SRD5A2: variants seen among roughly 807,000 people sequenced by gnomAD.
SRD5A2 encodes the protein steroid 5 alpha-reductase 2, also known as 3-oxo-5-alpha-steroid 4-dehydrogenase 2.
SRD5A2 carries 30 observed loss-of-function variants against 27.4 expected under a neutral mutation model. The observed-to-expected ratio is 1.10, with a 90% CI of 0.82 to 1.49. The LOEUF (loss-of-function observed/expected upper bound fraction) is 1.49, where lower values mean the gene tolerates loss of function less well. SRD5A2 is among the 40% of genes most tolerant of loss of function. The pLI is 0.00. For missense variants in SRD5A2, 348 were observed against 323.4 expected (o/e 1.08, Z -0.58); for synonymous variants, 141 against 133.6 (o/e 1.06, Z -0.38).
At chr2:31,661,475 T>A in the SRD5A2 span, among the ~76,000 whole-genome samples, 1 of 152,158 alleles carries the variant, frequency 6.6e-6, no homozygotes, top group Non-Finnish European at 1.5e-5. Flanking sequence ...AAGGAGACAC[T>A]CTATCTTCCA....
rs1485657500 is a variant in SRD5A2 at position 31,525,381 on chromosome 2, T to C, written c.*815A>G. Reference sequence around the variant, plus strand: ...AAAACATGAGAGTTTGCAATGTCTATTGTAAAACTGTTCTCTATCCTCTTA... The same window carrying C: ...AAAACATGAGAGTTTGCAATGTCTACTGTAAAACTGTTCTCTATCCTCTTA... On this transcript the variant is annotated 3_prime_UTR_variant, in exon 5 of 5. Coordinates refer to ENST00000622030, the MANE Select transcript of SRD5A2 (RefSeq NM_000348.4). 4.4e-6 allele frequency: 1 copy of C among 227,024 alleles called. No individual in the cohort carries two copies. The highest frequency in any genetic ancestry group is 6.3e-5 in the East Asian group (1 of 15,866). The allele number at this position is 227,024 out of a possible 1,614,324, so 14.1% of individuals were successfully genotyped here. A position where few individuals can be genotyped will look rare whatever the true frequency, so the allele number is the denominator to read the frequency against.
the SRD5A2 span, among the ~76,000 whole-genome samples, chr2:31,640,873 T>C: frequency 6.6e-6 from 1 of 151,308 alleles, no homozygotes; most frequent in Non-Finnish European, 1.5e-5. Flanking sequence ...AAAAAAAAAG[T>C]CTCCTGCCAG....
chr2:31,661,273 A>G, the SRD5A2 span, among the ~76,000 whole-genome samples: 1 of 152,170 alleles, frequency 6.6e-6, no homozygotes, highest in Non-Finnish European at 1.5e-5. Flanking sequence ...AGTCTGAGTT[A>G]ACACACCCAA....
chr2:31,624,107 G>A, the SRD5A2 span, among the ~76,000 whole-genome samples: 1 of 151,788 alleles, frequency 6.6e-6, no homozygotes, highest in East Asian at 1.9e-4. Context: ...TAATTTTTGT[G>A]GGTAAATAAT....
chr2:31,536,090 G>A (rs1452956490), intron 1 of SRD5A2, among the ~76,000 whole-genome samples: 1 of 152,190 alleles, frequency 6.6e-6, no homozygotes, highest in East Asian at 1.9e-4. Flanking sequence ...AACTGATACA[G>A]GATTGTTGCT....
chr2:31,620,861 C>T, the SRD5A2 span, among the ~76,000 whole-genome samples: 12 of 146,932 alleles, frequency 8.2e-5, no homozygotes, highest in African/African-American at 3.0e-4. Context: ...CCACGATGGT[C>T]TCAAAATATA....
upstream of SRD5A2, among the ~76,000 whole-genome samples, chr2:31,583,629 C>CA (rs1444179789): frequency 1.4e-4 from 2 of 14,732 alleles, no homozygotes; most frequent in Non-Finnish European, 3.2e-4. Flanking sequence ...AAAAAAAAAA[C>CA]AAAAAAAAAG....
At chr2:31,635,351 T>C in the SRD5A2 span, among the ~76,000 whole-genome samples, 1 of 152,198 alleles carries the variant, frequency 6.6e-6, no homozygotes, top group Admixed American at 6.5e-5. Flanking sequence ...TATCTTCTTT[T>C]GAGAAATGTC....
chr2:31,523,469 TGA>T lies in SRD5A2; in HGVS notation c.*2725_*2726del, dbSNP rs1665702842. The T allele has an allele frequency of 4.5e-6, 1 of 221,340 alleles. No homozygotes were observed. The highest frequency in any genetic ancestry group is 1.8e-4 in the South Asian group (1 of 5,438). The allele number at this position is 221,340 out of a possible 1,614,324, so 13.7% of individuals were successfully genotyped here. On this transcript the variant is annotated 3_prime_UTR_variant, in exon 5 of 5. Coordinates refer to ENST00000622030, the MANE Select transcript of SRD5A2 (RefSeq NM_000348.4). Reference sequence around the variant, plus strand: ...GCTCTGACCAGCTCTGTACCAGCTGTGAGGAGGCCTTTTAACTCTGTGGGTCT... The same window carrying T: ...GCTCTGACCAGCTCTGTACCAGCTGTGGAGGCCTTTTAACTCTGTGGGTCT...
the SRD5A2 span, among the ~76,000 whole-genome samples, chr2:31,631,699 C>A: frequency 1.3e-5 from 2 of 152,304 alleles, 1 homozygote; most frequent in South Asian, 4.1e-4. Context: ...AGATCAGACA[C>A]TAACCCCAAA....
chr2:31,584,433 G>A (rs1361194887), upstream of SRD5A2, among the ~76,000 whole-genome samples: 2 of 152,164 alleles, frequency 1.3e-5, no homozygotes, highest in Non-Finnish European at 2.9e-5. Context: ...TACTAGGCAT[G>A]TTACATCAAC....
intron 1 of SRD5A2, among the ~76,000 whole-genome samples, chr2:31,553,587 G>T (rs1357639951): frequency 1.3e-5 from 2 of 152,148 alleles, no homozygotes; most frequent in Non-Finnish European, 2.9e-5. Context: ...TTTCTCATAA[G>T]AAGCCTTACA....
chr2:31,627,674 C>G, the SRD5A2 span, among the ~76,000 whole-genome samples: 1 of 151,984 alleles, frequency 6.6e-6, no homozygotes, highest in Non-Finnish European at 1.5e-5. Flanking sequence ...TATCCTTTTT[C>G]TCTCATTCAT....
At chr2:31,584,193 C>T (rs1022057492), upstream of SRD5A2, among the ~76,000 whole-genome samples, 4 of 152,090 alleles carry the variant, frequency 2.6e-5, no homozygotes, top group African/African-American at 9.7e-5. Flanking sequence ...CTCCAGGAAA[C>T]AGCTAGCTGG....
chr2:31,592,719 T>C, the SRD5A2 span, among the ~76,000 whole-genome samples: 12 of 152,156 alleles, frequency 7.9e-5, no homozygotes, highest in Admixed American at 3.9e-4. Context: ...GACTTCCAGA[T>C]CTTTCCACTG....
Position 31,580,795 on chromosome 2 carries a change from G to C in SRD5A2, c.106C>G (p.His36Asp). The C allele has an allele frequency of 1.2e-6, 2 of 1,612,284 alleles. No individual in the cohort carries two copies. The highest frequency in any genetic ancestry group is 1.7e-6 in the Non-Finnish European group (2 of 1,179,696). Residue 36 changes from histidine to aspartate, a missense_variant, in exon 1 of 5, where the codon CAC becomes GAC. Transcript: ENST00000622030. ...GCCGCCGGCTTCAGGCTCTCCGTGT[G>C]CTTCCCGTAGCCGGAGGGCTTCGCG... ...YVAKPSGYGK[H>D]TESLKPAATR...
chr2:31,641,960 A>G, the SRD5A2 span, among the ~76,000 whole-genome samples: 1 of 152,140 alleles, frequency 6.6e-6, no homozygotes, highest in African/African-American at 2.4e-5. Flanking sequence ...CTGAAAAAAA[A>G]GAATAAAGTT....
At chr2:31,578,090 A>AT (rs1366211299) in intron 1 of SRD5A2, among the ~76,000 whole-genome samples, 2 of 152,216 alleles carry the variant, frequency 1.3e-5, no homozygotes, top group Admixed American at 1.3e-4. Flanking sequence ...TATATTCAAC[A>AT]TAACAAGCAT....
At chr2:31,533,016 T>G (rs1359980038) in intron 2 of SRD5A2, among the ~76,000 whole-genome samples, 1 of 152,194 alleles carries the variant, frequency 6.6e-6, no homozygotes, top group Non-Finnish European at 1.5e-5. Context: ...CAGTTTTGGA[T>G]GTGGCCTGAC....
Sources: allele counts gnomAD v4.1 joint callset (sites outside exome capture counted in the v4.1 genomes callset), GRCh38; gene constraint gnomAD v4.1.1; transcripts MANE v1.5; gene names NCBI Gene and HGNC (gene_info 2026-07-23, HGNC 2026-07-21).